The following FMNL3 variants were observed in gnomAD, a reference collection of about 807,000 sequenced individuals.
FMNL3 encodes formin-like protein 3.
Under a neutral mutation model 119.6 loss-of-function variants are expected in FMNL3, and 57 were observed. The observed-to-expected ratio is 0.48, with a 90% CI of 0.39 to 0.59. The LOEUF (loss-of-function observed/expected upper bound fraction) is 0.59, where lower values mean the gene tolerates loss of function less well. FMNL3 is among the 20% of genes least tolerant of loss of function. FMNL3 has a pLI of 0.00. For missense variants in FMNL3, 1,053 were observed against 1,323.5 expected, an observed-to-expected ratio of 0.80 and a Z score of 3.17; for synonymous variants, 491 against 507.3, an observed-to-expected ratio of 0.97 and a Z score of 0.43.
At chr12:49,705,959 G>A (rs140926498) in intron 1 of FMNL3, among the ~76,000 whole-genome samples, 235 of 152,242 alleles carry the variant, frequency 1.5e-3, no homozygotes, top group African/African-American at 5.5e-3. Context: ...AGGCTGCTAA[G>A]TCCACAACTT....
chr12:49,706,400 T>C (rs1231277511), intron 1 of FMNL3, among the ~76,000 whole-genome samples: 2 of 152,136 alleles, frequency 1.3e-5, no homozygotes, highest in Admixed American at 1.3e-4. Flanking sequence ...CTTGGAGAAA[T>C]ACCCCAGTGA....
intron 5 of FMNL3, 100 bp downstream of exon 5, chr12:49,661,866 C>T (rs904724531): frequency 3.5e-6 from 4 of 1,156,970 alleles, no homozygotes; most frequent in Non-Finnish European, 5.2e-6. Context: ...ATTCCCATTT[C>T]CATCTTCATT....
rs1381924434 is a variant in FMNL3, at chr12:49,649,414, G to A, written c.2304+56C>T. On this transcript the variant is annotated intron_variant, in intron 19 of 25. Transcript: ENST00000335154. This position sits in a 1 kb window ranked among gnomAD's most constrained non-coding sequence, Gnocchi z 5.6. ...CCTTCTTCCTCTCTGTATAGCCCCA[G>A]GCCCCCACCTAGGACCTGAAAACCC... 40 of 1,613,250 alleles carry A rather than the reference G, an allele frequency of 2.5e-5. No homozygotes were observed. The East Asian group carries it at 8.7e-4, about 35-fold the overall frequency.
chr12:49,653,092 A>C, intron 13 of FMNL3, 134 bp downstream of exon 13: 1 of 809,448 alleles, frequency 1.2e-6, no homozygotes, highest in Non-Finnish European at 2.0e-6. Context: ...CAGCCCACCC[A>C]CACCTGAGTA....
intron 1 of FMNL3, among the ~76,000 whole-genome samples, chr12:49,686,913 C>T (rs1944478118): frequency 6.6e-6 from 1 of 152,132 alleles, no homozygotes; most frequent in Non-Finnish European, 1.5e-5. Context: ...CAGTTGGACC[C>T]CCAGATGAGT....
chr12:49,677,012 G>A (rs533930220), intron 1 of FMNL3, among the ~76,000 whole-genome samples: 13 of 152,238 alleles, frequency 8.5e-5, no homozygotes, highest in East Asian at 1.9e-4. Context: ...TGGGCAAATC[G>A]AATTTCTCCA....
chr12:49,663,377 C>A (rs2138832776), intron 4 of FMNL3, among the ~76,000 whole-genome samples: 1 of 152,354 alleles, frequency 6.6e-6, no homozygotes, highest in East Asian at 1.9e-4. Flanking sequence ...GAGTTCCCAT[C>A]TGCTGCTCCT....
intron 10 of FMNL3, 126 bp from the exon 11 acceptor site, chr12:49,654,428 T>G (rs1050176180): frequency 2.9e-6 from 2 of 682,130 alleles, no homozygotes; most frequent in Non-Finnish European, 5.0e-6. Context: ...AATTAAAGAG[T>G]TAAGTCTTTA....
chr12:49,652,068 C>T lies in FMNL3; in HGVS notation c.1468G>A (p.Gly490Ser), dbSNP rs749448318. The T allele has an allele frequency of 6.8e-6, 11 of 1,612,240 alleles. No homozygotes were observed. Among genetic ancestry groups the T allele is most frequent in the Non-Finnish European group, 8.5e-6 (10 of 1,179,340 alleles). Reference protein sequence around the residue: ...SVDSEALARVGPAELSEGMPP... With the variant: ...SVDSEALARVSPAELSEGMPP... The stretch of plus-strand genomic sequence containing the variant: ...ATGCCCTCACTCAGCTCTGCAGGGC[C>T]TACTCTGGCCAGGGCCTCACTGTCC... Residue 490 changes from glycine (G) to serine (S), a missense_variant, in exon 14 of 26, where the codon GGC becomes AGC. This residue lies in a region of FMNL3 where 445 missense variants were observed against 628.4 expected (regional missense o/e 0.71). Coordinates refer to ENST00000335154, the MANE Select transcript of FMNL3 (RefSeq NM_175736.5).
intron 7 of FMNL3, 35 bp downstream of exon 7, chr12:49,657,047 A>T (rs756888907): frequency 6.3e-7 from 1 of 1,595,868 alleles, no homozygotes; most frequent in Non-Finnish European, 8.6e-7. Context: ...GAGGCAGAAG[A>T]AGTAGAGCAC....
intron 1 of FMNL3, among the ~76,000 whole-genome samples, chr12:49,689,553 C>G: frequency 6.6e-6 from 1 of 152,110 alleles, no homozygotes; most frequent in Non-Finnish European, 1.5e-5. Context: ...TTGGGCAACA[C>G]AGCAAGATAC....
intron 2 of FMNL3, among the ~76,000 whole-genome samples, chr12:49,667,502 G>A (rs553925967): frequency 1.3e-5 from 2 of 152,274 alleles, no homozygotes; most frequent in East Asian, 1.9e-4. Context: ...ATGACCTGGG[G>A]AGGCAGTGGA....
intron 1 of FMNL3, among the ~76,000 whole-genome samples, chr12:49,673,573 C>T (rs1944102623): frequency 6.6e-6 from 1 of 152,176 alleles, no homozygotes; most frequent in Admixed American, 6.5e-5. Context: ...GCCAGTTGGG[C>T]CCTGCTCCCA....
At chr12:49,697,884 A>G (rs1944794684) in intron 1 of FMNL3, among the ~76,000 whole-genome samples, 1 of 151,956 alleles carries the variant, frequency 6.6e-6, no homozygotes. Flanking sequence ...ATAAAGCTGG[A>G]TCAGAACCTA....
Position 49,643,244 on chromosome 12 carries a change from G to C in FMNL3, c.*2571C>G, listed in dbSNP as rs566253760. 5.6e-6 allele frequency: 9 copies of C among 1,614,112 alleles called. No homozygotes were observed. In the African/African-American group the frequency reaches 6.7e-5, roughly 12 times the overall value. On this transcript the variant is annotated 3_prime_UTR_variant, in exon 26 of 26. Coordinates refer to ENST00000335154, the MANE Select transcript of FMNL3 (RefSeq NM_175736.5). The stretch of plus-strand genomic sequence containing the variant: ...CCAGGGCTCTGAGTCAGAAGAAGAG[G>C]AGCTGCCCCCACCATCTCTCCGGCC...
intron 1 of FMNL3, among the ~76,000 whole-genome samples, chr12:49,703,335 A>C (rs1039578008): frequency 6.6e-6 from 1 of 152,126 alleles, no homozygotes; most frequent in Non-Finnish European, 1.5e-5. Context: ...ACCAAAACAC[A>C]CTGGGACTGT....
chr12:49,682,967 G>A (rs1944373771), intron 1 of FMNL3, among the ~76,000 whole-genome samples: 1 of 152,162 alleles, frequency 6.6e-6, no homozygotes, highest in Non-Finnish European at 1.5e-5. Context: ...AGATATGGGA[G>A]AGATTTTGCC....
At chr12:49,701,054 G>A (rs535752512) in intron 1 of FMNL3, among the ~76,000 whole-genome samples, 38 of 148,376 alleles carry the variant, frequency 2.6e-4, no homozygotes, top group Admixed American at 1.1e-3. Flanking sequence ...ACTCCAGCCC[G>A]GGCAACAGAG....
intron 1 of FMNL3, among the ~76,000 whole-genome samples, chr12:49,675,396 A>G (rs1944158827): frequency 6.6e-6 from 1 of 152,220 alleles, no homozygotes. Flanking sequence ...TCCAAAGCCA[A>G]GGAGTCTTGG....
Sources: allele counts gnomAD v4.1 joint callset (sites outside exome capture counted in the v4.1 genomes callset), GRCh38; gene constraint gnomAD v4.1.1; regional missense constraint gnomAD v4.1.1; non-coding constraint Gnocchi (gnomAD v3.1); transcripts MANE v1.5; gene names NCBI Gene and HGNC (gene_info 2026-07-23, HGNC 2026-07-21).